The following AUTS2 variants were observed in gnomAD, a reference collection of about 807,000 sequenced individuals.
The protein encoded by AUTS2 is autism susceptibility gene 2 protein.
In AUTS2, 17 loss-of-function variants were observed where a neutral mutation model predicts 112.4. The observed-to-expected ratio is 0.15, with a 90% CI of 0.10 to 0.23. AUTS2 has a LOEUF of 0.23. AUTS2 is among the 10% of genes least tolerant of loss of function. AUTS2 has a pLI of 1.00. For missense variants in AUTS2, 1,510 were observed against 1,701.6 expected, an observed-to-expected ratio of 0.89 and a Z score of 1.98; for synonymous variants, 751 against 702.7, an observed-to-expected ratio of 1.07 and a Z score of -1.09.
intron 1 of AUTS2, among the ~76,000 whole-genome samples, chr7:69,800,780 G>A (rs1381064453): frequency 1.3e-5 from 2 of 152,090 alleles, no homozygotes; most frequent in Non-Finnish European, 2.9e-5. Context: ...GGGTCAAATA[G>A]ATCTTGCCTT....
At chr7:69,650,919 C>T (rs536301898) in intron 1 of AUTS2, among the ~76,000 whole-genome samples, 19 of 152,168 alleles carry the variant, frequency 1.2e-4, no homozygotes, top group African/African-American at 2.9e-4. Flanking sequence ...GCAAGTCGCC[C>T]GTGCTATGCT....
At chr7:70,047,417 G>A (rs1346781245) in intron 2 of AUTS2, among the ~76,000 whole-genome samples, 1 of 152,126 alleles carries the variant, frequency 6.6e-6, no homozygotes, top group East Asian at 1.9e-4. Flanking sequence ...CAATTGCAGA[G>A]ACACTTTCCC....
intron 4 of AUTS2, among the ~76,000 whole-genome samples, chr7:70,377,325 A>AATAAATATATATATATATAT (rs1793136400): frequency 1.9e-5 from 1 of 52,060 alleles, no homozygotes; most frequent in Non-Finnish European, 3.7e-5. Context: ...AACAAATATA[A>AATAAATATATATATATATAT]ATATATATAT....
chr7:70,305,993 G>GA lies in AUTS2; in HGVS notation c.661-129748dup, dbSNP rs973410331. Among the ~76,000 whole-genome samples, 460 of 144,376 alleles carry GA rather than the reference G, an allele frequency of 3.2e-3. 1 individual carries two copies. The highest frequency in any genetic ancestry group is 9.1e-3 in the African/African-American group (360 of 39,694). The allele number at this position is 144,376 out of a possible 152,430, so 94.7% of individuals were successfully genotyped here. On this transcript the variant is annotated intron_variant, in intron 4 of 18. Transcript: ENST00000342771. ...CATGTAGGCCAAGAAATGCAAGTGG[G>GA]AAAAAAAAAAACTTAAGCTGATGTC...
intron 5 of AUTS2, among the ~76,000 whole-genome samples, chr7:70,691,483 T>C (rs1319570543): frequency 6.6e-6 from 1 of 152,132 alleles, no homozygotes; most frequent in Non-Finnish European, 1.5e-5. Context: ...CAGTCCCTAA[T>C]ATATGGATTA....
chr7:70,182,518 A>G (rs1458888389), intron 4 of AUTS2, among the ~76,000 whole-genome samples: 1 of 152,226 alleles, frequency 6.6e-6, no homozygotes. Context: ...CTCATTAATT[A>G]AAATAATAAT....
chr7:70,165,090 G>T (rs888412515), intron 4 of AUTS2, among the ~76,000 whole-genome samples: 1 of 152,114 alleles, frequency 6.6e-6, no homozygotes, highest in Non-Finnish European at 1.5e-5. Context: ...TTTTCTGTGG[G>T]TTTATCAACA....
intron 2 of AUTS2, among the ~76,000 whole-genome samples, chr7:69,992,946 T>C (rs992788040): frequency 3.9e-5 from 6 of 152,196 alleles, no homozygotes; most frequent in Non-Finnish European, 7.4e-5. Context: ...AAGACAGTAT[T>C]ACCTTTAATG....
intron 2 of AUTS2, among the ~76,000 whole-genome samples, chr7:70,110,703 T>G (rs1309435748): frequency 6.6e-6 from 1 of 152,096 alleles, no homozygotes; most frequent in Non-Finnish European, 1.5e-5. Context: ...CTAAAGTGTT[T>G]ATTGGGATCA....
intron 1 of AUTS2, among the ~76,000 whole-genome samples, chr7:69,833,185 C>T (rs1397191054): frequency 6.6e-6 from 1 of 152,050 alleles, no homozygotes; most frequent in East Asian, 1.9e-4. Context: ...ATTTTTAGGT[C>T]CTCCAGTGAT....
intron 4 of AUTS2, among the ~76,000 whole-genome samples, chr7:70,166,489 T>C (rs1227359274): frequency 6.6e-6 from 1 of 152,202 alleles, no homozygotes; most frequent in Admixed American, 6.5e-5. Context: ...TTGTAAGGTT[T>C]AAATGGAAAT....
chr7:69,760,610 C>T (rs1199494003), intron 1 of AUTS2, among the ~76,000 whole-genome samples: 1 of 152,086 alleles, frequency 6.6e-6, no homozygotes, highest in Non-Finnish European at 1.5e-5. Flanking sequence ...ATCATGAGGT[C>T]AGGAGTTTGA....
chr7:70,578,094 T>C (rs1802257376), intron 5 of AUTS2, among the ~76,000 whole-genome samples: 1 of 152,224 alleles, frequency 6.6e-6, no homozygotes, highest in Non-Finnish European at 1.5e-5. Flanking sequence ...CCTCTCAAAG[T>C]GCTGGGATTA....
intron 4 of AUTS2, among the ~76,000 whole-genome samples, chr7:70,186,454 T>A (rs186030865): frequency 2.6e-5 from 4 of 152,308 alleles, no homozygotes; most frequent in Non-Finnish European, 4.4e-5. Context: ...TGGCTTTTTT[T>A]AATGTTTGTT....
At chr7:70,681,343 A>G (rs776447698) in intron 5 of AUTS2, among the ~76,000 whole-genome samples, 5 of 152,020 alleles carry the variant, frequency 3.3e-5, no homozygotes, top group African/African-American at 1.2e-4. Flanking sequence ...CCCGCTTTTC[A>G]TGTGCTATTG....
intron 1 of AUTS2, among the ~76,000 whole-genome samples, chr7:69,883,826 G>C (rs1264989481): frequency 6.6e-6 from 1 of 152,194 alleles, no homozygotes; most frequent in Non-Finnish European, 1.5e-5. Context: ...ACTGATGCCA[G>C]TTTTAACAGC....
chr7:69,953,424 C>T (rs1797102376), intron 2 of AUTS2, among the ~76,000 whole-genome samples: 1 of 152,080 alleles, frequency 6.6e-6, no homozygotes, highest in Admixed American at 6.6e-5. Context: ...TTGATGGCAG[C>T]TGCTGTATTA....
intron 4 of AUTS2, among the ~76,000 whole-genome samples, chr7:70,304,253 T>C (rs1789382641): frequency 6.6e-6 from 1 of 152,186 alleles, no homozygotes; most frequent in Non-Finnish European, 1.5e-5. Context: ...CTTAAGCCTG[T>C]AGTCTAAAGA....
intron 2 of AUTS2, among the ~76,000 whole-genome samples, chr7:70,029,535 T>C (rs1432675675): frequency 6.6e-6 from 1 of 152,184 alleles, no homozygotes; most frequent in Non-Finnish European, 1.5e-5. Context: ...GCTAAAATAC[T>C]GTAGTAACTT....
Sources: allele counts gnomAD v4.1 joint callset (sites outside exome capture counted in the v4.1 genomes callset), GRCh38; gene constraint gnomAD v4.1.1; transcripts MANE v1.5; gene names NCBI Gene and HGNC (gene_info 2026-07-23, HGNC 2026-07-21).